ALMS1: variants seen among roughly 807,000 people sequenced by gnomAD.
ALMS1 encodes centrosome-associated protein ALMS1.
ALMS1 carries 271 observed loss-of-function variants against 352.2 expected under a neutral mutation model. The observed-to-expected ratio is 0.77, with a 90% CI of 0.70 to 0.85. The LOEUF (loss-of-function observed/expected upper bound fraction) is 0.85. Among genes scored for constraint, ALMS1 ranks in the 40% least tolerant of loss-of-function variants. The probability of loss-of-function intolerance (pLI) is 0.00; values close to 1 mark genes in which losing one functional copy is unlikely to be tolerated. For synonymous variants in ALMS1, 1,865 were observed against 1,761.2 expected (o/e 1.06, Z -1.48); for missense variants, 5,445 against 4,870.7 (o/e 1.12, Z -3.51).
At chr2:73,435,619 T>C (rs1428055745) in intron 7 of ALMS1, among the ~76,000 whole-genome samples, 3 of 152,006 alleles carry the variant, frequency 2.0e-5, no homozygotes, top group Non-Finnish European at 2.9e-5. Context: ...TTTTTTTTTT[T>C]AGTCGGGGAC....
chr2:73,505,058 C>T (rs888018658), intron 10 of ALMS1, among the ~76,000 whole-genome samples: 2 of 152,102 alleles, frequency 1.3e-5, no homozygotes, highest in Admixed American at 6.6e-5. Flanking sequence ...TGAACTCATT[C>T]TTTTTTATGG....
chr2:73,453,420 A>G lies in ALMS1; in HGVS notation c.6893A>G (p.Lys2298Arg). ...AGTGATATTTCATTTATACAATCTA[A>G]GAAGGTGGTTTGCTTCAAAGAACCC... is the stretch of plus-strand genomic sequence containing the variant. Reference protein sequence around the residue: ...DISDISFIQSKKVVCFKEPSS... With the variant: ...DISDISFIQSRKVVCFKEPSS... The change falls in exon 8 of 23, where the codon AAG (lysine) becomes AGG (arginine). Residue 2298 changes from lysine (K) to arginine (R), a missense_variant. By Grantham distance (26) the Lys-to-Arg change is conservative (BLOSUM62 2). Coordinates refer to ENST00000613296, the MANE Select transcript of ALMS1 (RefSeq NM_001378454.1). The G allele has an allele frequency of 6.2e-7, 1 of 1,613,604 alleles. No homozygotes were observed. Among genetic ancestry groups the G allele is most frequent in the Non-Finnish European group, 8.5e-7 (1 of 1,179,708 alleles).
intron 16 of ALMS1, among the ~76,000 whole-genome samples, chr2:73,581,774 A>G (rs565341764): frequency 6.7e-6 from 1 of 149,642 alleles, no homozygotes; most frequent in South Asian, 2.1e-4. Context: ...TTTGAGACGT[A>G]GTCTCTATTG....
intron 16 of ALMS1, among the ~76,000 whole-genome samples, chr2:73,594,729 T>A (rs1331383605): frequency 3.3e-5 from 5 of 152,206 alleles, no homozygotes; most frequent in African/African-American, 9.6e-5. Context: ...AGCTGCTCTC[T>A]GAAGGCACAG....
At position 73,448,822 on chromosome 2, in the gene ALMS1, A is replaced by G. The variant is rs565010166; in HGVS notation, c.2295A>G (p.Ser765=). ...EIPAVQSSSY[S]QREKPSILYP... ...CAGCAGTACAGTCTAGTTCTTACTC[A>G]CAAAGAGAAAAGCCTAGTATTTTGT... The change falls in exon 8 of 23, where the codon TCA becomes TCG. Residue 765 remains serine, a synonymous_variant. Coordinates refer to ENST00000613296, the MANE Select transcript of ALMS1 (RefSeq NM_001378454.1). The G allele has an allele frequency of 1.2e-6, 2 of 1,614,018 alleles. No individual in the cohort carries two copies. The highest frequency in any genetic ancestry group is 4.5e-5 in the East Asian group (2 of 44,866).
chr2:73,464,918 A>G (rs535863880), intron 9 of ALMS1, among the ~76,000 whole-genome samples: 10 of 152,236 alleles, frequency 6.6e-5, no homozygotes, highest in Non-Finnish European at 1.3e-4. Flanking sequence ...AAGGAGAACT[A>G]CAAACCACTG....
chr2:73,520,126 A>C (rs1673647194), intron 11 of ALMS1, 110 bp downstream of exon 11: 1 of 1,375,332 alleles, frequency 7.3e-7, no homozygotes, highest in African/African-American at 1.4e-5. Context: ...TTAATTTAAG[A>C]ATTAGGGTCC....
intron 10 of ALMS1, among the ~76,000 whole-genome samples, chr2:73,506,868 G>A (rs989814302): frequency 1.3e-5 from 2 of 152,162 alleles, no homozygotes; most frequent in Non-Finnish European, 2.9e-5. Context: ...TTTTCAAAGG[G>A]AATGTTTCCA....
intron 12 of ALMS1, among the ~76,000 whole-genome samples, chr2:73,538,451 G>T (rs529134581): frequency 1.3e-5 from 2 of 152,204 alleles, no homozygotes; most frequent in African/African-American, 4.8e-5. Flanking sequence ...GCAGCTCCCA[G>T]TGTGAGCGAT....
chr2:73,433,413 G>A (rs1015347278), intron 7 of ALMS1, among the ~76,000 whole-genome samples: 2 of 152,096 alleles, frequency 1.3e-5, no homozygotes, highest in Non-Finnish European at 1.5e-5. Flanking sequence ...GAAAATAGAA[G>A]GACCAGAGAT....
intron 16 of ALMS1, among the ~76,000 whole-genome samples, chr2:73,591,049 A>G (rs142993840): frequency 6.6e-4 from 101 of 152,172 alleles, no homozygotes; most frequent in African/African-American, 2.4e-3. Flanking sequence ...GCCTCAACCA[A>G]TCTTCCCACC....
intron 1 of ALMS1, among the ~76,000 whole-genome samples, chr2:73,403,517 C>G (rs1312206464): frequency 6.6e-6 from 1 of 151,844 alleles, no homozygotes; most frequent in Non-Finnish European, 1.5e-5. Flanking sequence ...TCTTTAGAGT[C>G]TTTTGTGGTT....
chr2:73,389,268 C>G (rs573813326), intron 1 of ALMS1, among the ~76,000 whole-genome samples: 1 of 151,964 alleles, frequency 6.6e-6, no homozygotes, highest in Non-Finnish European at 1.5e-5. Context: ...GTCTTTTGCC[C>G]GCTTTTTAGT....
At chr2:73,557,472 C>T in intron 14 of ALMS1, 118 bp downstream of exon 14, 1 of 1,316,056 alleles carries the variant, frequency 7.6e-7, no homozygotes, top group Non-Finnish European at 1.1e-6. Flanking sequence ...CTTCAGCTCT[C>T]TTCTATCTCA....
At chr2:73,552,233 C>T (rs548980651) in intron 13 of ALMS1, among the ~76,000 whole-genome samples, 8 of 152,290 alleles carry the variant, frequency 5.3e-5, no homozygotes, top group Admixed American at 5.2e-4. Context: ...TACTTCAAAA[C>T]ACAGTGAAGT....
At chr2:73,445,665 C>T (rs1478025712) in intron 7 of ALMS1, among the ~76,000 whole-genome samples, 1 of 152,068 alleles carries the variant, frequency 6.6e-6, no homozygotes, top group African/African-American at 2.4e-5. Flanking sequence ...TTCTGTGTTA[C>T]TAAGCACCTT....
Position 73,385,973 on chromosome 2 carries a change from G to A in ALMS1, c.105G>A (p.Ala35=). 6.5e-7 allele frequency: 1 copy of A among 1,536,056 alleles called. No individual in the cohort carries two copies. The highest frequency in any genetic ancestry group is 1.2e-5 in the South Asian group (1 of 83,062). ...EEEEAAAAAA[A]NVDDVVVVEE... ...AGGAGGCTGCAGCGGCGGCGGCGGCGAACGTGGACGACGTAGTGGTCGTGG... is the reference window on the plus strand; with the variant it reads ...AGGAGGCTGCAGCGGCGGCGGCGGCAAACGTGGACGACGTAGTGGTCGTGG... The change falls in exon 1 of 23, where the codon GCG becomes GCA. Residue 35 remains alanine (A), a synonymous_variant. Coordinates refer to ENST00000613296, the MANE Select transcript of ALMS1 (RefSeq NM_001378454.1).
intron 12 of ALMS1, among the ~76,000 whole-genome samples, chr2:73,540,752 CA>C (rs1276085747): frequency 6.6e-6 from 1 of 152,064 alleles, no homozygotes; most frequent in Non-Finnish European, 1.5e-5. Context: ...GACTTTAAAC[CA>C]ACAAAGATCA....
At position 73,467,342 on chromosome 2, in the gene ALMS1, G is replaced by A. The variant is rs765008336; in HGVS notation, c.7674+12047G>A. Among the ~76,000 whole-genome samples the A allele has an allele frequency of 8.5e-5, 13 of 152,082 alleles. 1 individual carries two copies. Among genetic ancestry groups the A allele is most frequent in the South Asian group, 8.3e-4 (4 of 4,830 alleles). ...TCTCATAAATGAAGATATCCAAGTG[G>A]ACAGTAAGCATTTGAAAACATTGTC... On this transcript the variant is annotated intron_variant, in intron 9 of 22. Coordinates refer to ENST00000613296, the MANE Select transcript of ALMS1 (RefSeq NM_001378454.1).
Sources: allele counts gnomAD v4.1 joint callset (sites outside exome capture counted in the v4.1 genomes callset), GRCh38; gene constraint gnomAD v4.1.1; transcripts MANE v1.5; gene names NCBI Gene and HGNC (gene_info 2026-07-23, HGNC 2026-07-21).